ZNF518B: variants seen among roughly 807,000 people sequenced by gnomAD.
ZNF518B encodes zinc finger protein 518B.
ZNF518B carries 23 observed loss-of-function variants against 56.3 expected under a neutral mutation model. The ratio of observed to expected loss-of-function variants is 0.41; its 90% CI spans 0.29 to 0.58. The LOEUF (loss-of-function observed/expected upper bound fraction) is 0.58. Ranked by LOEUF, ZNF518B falls within the 20% of genes least tolerant of loss-of-function variation. The probability of loss-of-function intolerance (pLI) is 0.32; values close to 1 mark genes in which losing one functional copy is unlikely to be tolerated. For synonymous variants in ZNF518B, 529 were observed against 465.9 expected, an observed-to-expected ratio of 1.14 and a Z score of -1.74; for missense variants, 1,460 against 1,272.1, an observed-to-expected ratio of 1.15 and a Z score of -2.25.
chr4:10,442,372 G>C lies in ZNF518B; in HGVS notation c.*732C>G, dbSNP rs112969061. The C allele has an allele frequency of 6.6e-6, 1 of 152,182 alleles. No homozygotes were observed. The highest frequency in any genetic ancestry group is 2.4e-5 in the African/African-American group (1 of 41,442). The allele number at this position is 152,182 out of a possible 1,614,324, so 9.4% of individuals were successfully genotyped here. On this transcript the variant is annotated 3_prime_UTR_variant, in exon 3 of 3. Coordinates refer to ENST00000326756, the MANE Select transcript of ZNF518B (RefSeq NM_053042.3). ...AATCTCTTTTTGTCTTTGCAAAAAG[G>C]TACGTTCCCTTCCCATATGTCATAA...
rs765956603 is a variant in ZNF518B at position 10,444,443 on chromosome 4, T to A, written c.1886A>T (p.Asp629Val). The A allele has an allele frequency of 3.7e-6, 6 of 1,614,090 alleles. No individual in the cohort carries two copies. In the Admixed American group the frequency reaches 5.0e-5, roughly 13 times the overall value. The change falls in exon 3 of 3, where the codon GAT becomes GTT. Residue 629 changes from aspartate (D) to valine (V), a missense_variant. Asp to Val is a radical substitution (Grantham distance 152). Coordinates refer to ENST00000326756, the MANE Select transcript of ZNF518B (RefSeq NM_053042.3). ...KNSERTNNTN[D>V]GPVISSVFSL... ...AAATACTGATGAGATGACTGGGCCA[T>A]CATTAGTGTTGTTAGTCCTTTCAGA...
At position 10,445,416 on chromosome 4, in the gene ZNF518B, G is replaced by C; in HGVS notation, c.913C>G (p.Leu305Val). ...MTLSEPNEVN[L>V]FENKNVEVEV... ...ACTTCAACATTTTTGTTCTCAAATA[G>C]GTTGACTTCATTTGGCTCAGACAGG... The change falls in exon 3 of 3, where the codon CTA becomes GTA. Residue 305 changes from leucine (L) to valine (V), a missense_variant. Physicochemically the swap from Leu to Val is conservative, Grantham distance 32. Transcript: ENST00000326756. 1.2e-6 allele frequency: 2 copies of C among 1,614,196 alleles called. No individual in the cohort carries two copies. Among genetic ancestry groups the C allele is most frequent in the Non-Finnish European group, 1.7e-6 (2 of 1,180,030 alleles).
In ZNF518B at chr4:10,446,416, G is replaced by T; in HGVS notation, c.-88C>A. 5 of 1,274,916 alleles carry T rather than the reference G, an allele frequency of 3.9e-6. No homozygotes were observed. Among genetic ancestry groups the T allele is most frequent in the Non-Finnish European group, 5.5e-6 (5 of 906,634 alleles). 79.0% of individuals were successfully genotyped at this position (1,274,916 alleles called of 1,614,324 possible). A position where few individuals can be genotyped will look rare whatever the true frequency, so the allele number is the denominator to read the frequency against. Reference sequence around the variant, plus strand: ...TAGGAGATATCCTTCTATACAGTTTGTGATGGGTAGGGGCGCAGCTACTTC... The same window carrying T: ...TAGGAGATATCCTTCTATACAGTTTTTGATGGGTAGGGGCGCAGCTACTTC... On this transcript the variant is annotated 5_prime_UTR_variant, in exon 3 of 3. Coordinates refer to ENST00000326756, the MANE Select transcript of ZNF518B (RefSeq NM_053042.3).
chr4:10,443,530 C>CT lies in ZNF518B; in HGVS notation c.2798_2799insA (p.Ile934AspfsTer2). The stretch of plus-strand genomic sequence containing the variant: ...GCTGGTTCCGACGGGGACACTTAAT[C>CT]AACTGATCTGGCTTAGCTGCTATCA... On this transcript the variant is annotated frameshift_variant, in exon 3 of 3. Transcript: ENST00000326756. LOFTEE classifies it high-confidence loss of function. 1.2e-6 allele frequency: 2 copies of CT among 1,614,016 alleles called. No individual in the cohort carries two copies. The highest frequency in any genetic ancestry group is 1.7e-6 in the Non-Finnish European group (2 of 1,179,860).
At position 10,443,455 on chromosome 4, in the gene ZNF518B, A is replaced by T; in HGVS notation, c.2874T>A (p.Asn958Lys). Residue 958 changes from asparagine (N) to lysine (K), a missense_variant, in exon 3 of 3, where the codon AAT becomes AAA. Asn to Lys is a moderately conservative substitution (Grantham distance 94). Transcript: ENST00000326756. ...TGTATTTATTTATTACCTTCATCAC[A>T]TTGGTCACTTCTGGCGAGTCCACAT... is the stretch of plus-strand genomic sequence containing the variant. ...HPDVDSPEVTNVMKVINKYKG... is the reference protein window; with the variant it reads ...HPDVDSPEVTKVMKVINKYKG... The T allele has an allele frequency of 6.2e-7, 1 of 1,614,114 alleles. No individual in the cohort carries two copies. The highest frequency in any genetic ancestry group is 8.5e-7 in the Non-Finnish European group (1 of 1,180,026).
upstream of ZNF518B, among the ~76,000 whole-genome samples, chr4:10,457,612 G>A (rs375852519): frequency 6.6e-6 from 1 of 152,252 alleles, no homozygotes; most frequent in Non-Finnish European, 1.5e-5. Context: ...ACCGTAGCGA[G>A]CGAGGTCCAC....
In ZNF518B at chr4:10,445,516, T is replaced by G; in HGVS notation, c.813A>C (p.Lys271Asn). The change falls in exon 3 of 3, where the codon AAA becomes AAC. Residue 271 changes from lysine to asparagine, a missense_variant. Transcript: ENST00000326756. ...SGFSLHANKDKMHNIMLLPEP... is the reference protein window; with the variant it reads ...SGFSLHANKDNMHNIMLLPEP... ...CAGGTAACAACATGATATTGTGCAT[T>G]TTGTCTTTATTTGCATGGAGAGAGA... The G allele has an allele frequency of 6.2e-7, 1 of 1,614,190 alleles. No homozygotes were observed. The highest frequency in any genetic ancestry group is 8.5e-7 in the Non-Finnish European group (1 of 1,180,018).
At position 10,445,005 on chromosome 4, in the gene ZNF518B, T is replaced by C; in HGVS notation, c.1324A>G (p.Met442Val). Residue 442 changes from methionine (M) to valine (V), a missense_variant, in exon 3 of 3, where the codon ATG (methionine) becomes GTG (valine). By Grantham distance (21) the Met-to-Val change is conservative. Transcript: ENST00000326756. ...TTGTTGTGCACACTAGAATTTGGCA[T>C]AATAAAATCATAAGACCTTACCCAT... Reference protein sequence around the residue: ...VKWVRSYDFIMPNSSVHNNGK... With the variant: ...VKWVRSYDFIVPNSSVHNNGK... 6.2e-7 allele frequency: 1 copy of C among 1,614,202 alleles called. No homozygotes were observed. Among genetic ancestry groups the C allele is most frequent in the South Asian group, 1.1e-5 (1 of 91,078 alleles).
intron 2 of ZNF518B, among the ~76,000 whole-genome samples, chr4:10,449,704 G>A (rs1177104008): frequency 6.6e-6 from 1 of 152,178 alleles, no homozygotes; most frequent in Non-Finnish European, 1.5e-5. Context: ...TACCAGTCTT[G>A]TAATACTAGT....
rs372779895 is a variant in ZNF518B, at chr4:10,444,478, T to C, written c.1851A>G (p.Glu617=). ...RSQQPGDKPL[E]LKNSERTNNT... The stretch of plus-strand genomic sequence containing the variant: ...TGTTAGTCCTTTCAGAATTCTTTAA[T>C]TCCAAAGGCTTATCCCCAGGCTGTT... The change falls in exon 3 of 3, where the codon GAA becomes GAG. Residue 617 remains glutamate, a synonymous_variant. Transcript: ENST00000326756. 26 of 1,614,104 alleles carry C rather than the reference T, an allele frequency of 1.6e-5. No homozygotes were observed. In the African/African-American group the frequency reaches 2.8e-4, roughly 17 times the overall value.
rs146679712 is a variant in ZNF518B, at chr4:10,444,820, G to A, written c.1509C>T (p.Asn503=). The change falls in exon 3 of 3, where the codon AAC becomes AAT. Residue 503 remains asparagine, a synonymous_variant. Transcript: ENST00000326756. ...SVLRSLGAAS[N]PFPYKAAVCF... ...AAACAGCAGCTTTATATGGAAAAGG[G>A]TTTGATGCAGCTCCAAGACTACGTA... The A allele has an allele frequency of 9.3e-6, 15 of 1,613,914 alleles. No homozygotes were observed. The African/African-American group carries it at 1.2e-4, about 13-fold the overall frequency.
Position 10,445,518 on chromosome 4 carries a change from T to C in ZNF518B, c.811A>G (p.Lys271Glu). ...GGTAACAACATGATATTGTGCATTT[T>C]GTCTTTATTTGCATGGAGAGAGAAA... ...SGFSLHANKD[K>E]MHNIMLLPEP... Residue 271 changes from lysine (K) to glutamate (E), a missense_variant, in exon 3 of 3, where the codon AAA becomes GAA. Lys to Glu is a moderately conservative substitution (Grantham distance 56, BLOSUM62 1). Transcript: ENST00000326756. 1 of 1,614,246 alleles carries C rather than the reference T, an allele frequency of 6.2e-7. No homozygotes were observed.
At chr4:10,449,182 G>T (rs1045021929) in intron 2 of ZNF518B, among the ~76,000 whole-genome samples, 3 of 152,172 alleles carry the variant, frequency 2.0e-5, no homozygotes, top group African/African-American at 4.8e-5. Context: ...AGGGGGATCT[G>T]GTCCAGCGTT....
At position 10,440,918 on chromosome 4, in the gene ZNF518B, G is replaced by A. The variant is rs1292555587; in HGVS notation, c.*2186C>T. The A allele has an allele frequency of 6.6e-6, 1 of 152,476 alleles. No homozygotes were observed. The highest frequency in any genetic ancestry group is 1.9e-4 in the East Asian group (1 of 5,188). 9.4% of individuals were successfully genotyped at this position (152,476 alleles called of 1,614,324 possible). ...TTCACTCCTCTCCTCTCTATATCTT[G>A]GGAGCTATTTTTCATGCCACAGGAG... On this transcript the variant is annotated 3_prime_UTR_variant, in exon 3 of 3. Coordinates refer to ENST00000326756, the MANE Select transcript of ZNF518B (RefSeq NM_053042.3).
At chr4:10,451,764 A>C (rs994745819) in intron 2 of ZNF518B, 1 of 152,190 alleles carries the variant, frequency 6.6e-6, no homozygotes, top group Admixed American at 6.5e-5. Flanking sequence ...GCCATTTATA[A>C]TTACCATAGA....
Position 10,446,011 on chromosome 4 carries a change from A to G in ZNF518B, c.318T>C (p.Ser106=). 6.2e-7 allele frequency: 1 copy of G among 1,614,190 alleles called. No individual in the cohort carries two copies. Among genetic ancestry groups the G allele is most frequent in the African/African-American group, 1.3e-5 (1 of 75,070 alleles). The stretch of plus-strand genomic sequence containing the variant: ...CAGTTTTATTTCCAACATGAGTCGC[A>G]CTGGAATTATTGCTCACAAAATGAA... ...PNFHFVSNNS[S]ATHVGNKTEN... Residue 106 remains serine, a synonymous_variant, in exon 3 of 3, where the codon AGT becomes AGC. Coordinates refer to ENST00000326756, the MANE Select transcript of ZNF518B (RefSeq NM_053042.3).
Position 10,440,288 on chromosome 4 carries a change from GTT to G in ZNF518B, c.*2814_*2815del, listed in dbSNP as rs34932543. 5.3e-5 allele frequency: 8 copies of G among 149,970 alleles called. No homozygotes were observed. Among genetic ancestry groups the G allele is most frequent in the Admixed American group, 6.6e-5 (1 of 15,082 alleles). The allele number at this position is 149,970 out of a possible 1,614,324, so 9.3% of individuals were successfully genotyped here. A position where few individuals can be genotyped will look rare whatever the true frequency, so the allele number is the denominator to read the frequency against. On this transcript the variant is annotated 3_prime_UTR_variant, in exon 3 of 3. Coordinates refer to ENST00000326756, the MANE Select transcript of ZNF518B (RefSeq NM_053042.3). ...TCTATCAGAGTATACTTTGGGTCAG[GTT>G]TTTTTTTTTTAACTTTTACTGTATT...
chr4:10,456,149 G>C (rs1715515229), intron 1 of ZNF518B, among the ~76,000 whole-genome samples: 1 of 151,668 alleles, frequency 6.6e-6, no homozygotes, highest in Non-Finnish European at 1.5e-5. Context: ...TTAGAGTTTA[G>C]CTACGTAGAT....
At chr4:10,447,647 CTTTTTTTTTTTT>C (rs10675116) in intron 2 of ZNF518B, among the ~76,000 whole-genome samples, 2 of 121,396 alleles carry the variant, frequency 1.6e-5, no homozygotes, top group Non-Finnish European at 3.3e-5. Context: ...ACAGAGTGAC[CTTTTTTTTTTTT>C]TTTTTTTGAG....
Sources: gnomAD v4.1 joint callset for allele counts (sites outside exome capture counted in the v4.1 genomes callset) on GRCh38, gnomAD v4.1.1 for gene constraint, MANE v1.5 for transcripts, NCBI Gene and HGNC (gene_info 2026-07-23, HGNC 2026-07-21) for gene names.